Variants in PCED1B observed in about 807,000 individuals in gnomAD.
PCED1B encodes PC-esterase domain-containing protein 1B.
For missense variants in PCED1B, 573 were observed against 573.9 expected, an observed-to-expected ratio of 1.00 and a Z score of 0.02; for synonymous variants, 251 against 246.1, an observed-to-expected ratio of 1.02 and a Z score of -0.19.
At chr12:47,129,310 G>A (rs1940021066) in intron 2 of PCED1B, among the ~76,000 whole-genome samples, 1 of 151,894 alleles carries the variant, frequency 6.6e-6, no homozygotes, top group African/African-American at 2.4e-5. Flanking sequence ...CTGTCTCCAT[G>A]AAAAATATAA....
At chr12:47,166,058 C>T (rs1941535766) in intron 2 of PCED1B, among the ~76,000 whole-genome samples, 1 of 152,134 alleles carries the variant, frequency 6.6e-6, no homozygotes, top group Non-Finnish European at 1.5e-5. Context: ...CAAGCCCTGA[C>T]CCGGGGTCAA....
intron 2 of PCED1B, among the ~76,000 whole-genome samples, chr12:47,165,441 G>A (rs373411047): frequency 3.3e-5 from 5 of 152,330 alleles, no homozygotes; most frequent in South Asian, 4.1e-4. Context: ...AAGAGTGAAT[G>A]TGCATGGGGA....
Position 47,236,560 on chromosome 12 carries a change from C to G in PCED1B, c.*198C>G, listed in dbSNP as rs1386860378. The G allele has an allele frequency of 1.8e-6, 1 of 562,702 alleles. No individual in the cohort carries two copies. The highest frequency in any genetic ancestry group is 3.6e-5 in the Admixed American group (1 of 27,626). 34.9% of individuals were successfully genotyped at this position (562,702 alleles called of 1,614,324 possible). A position where few individuals can be genotyped will look rare whatever the true frequency, so the allele number is the denominator to read the frequency against. ...TCATTCTTCTTGGCTGCAGCCTCTT[C>G]CCCACTTCCTGGGAGTGACCCAGCG... is the stretch of plus-strand genomic sequence containing the variant. On this transcript the variant is annotated 3_prime_UTR_variant, in exon 4 of 4. Coordinates refer to ENST00000546455, the MANE Select transcript of PCED1B (RefSeq NM_138371.3).
chr12:47,193,675 G>A (rs1181493340), intron 2 of PCED1B, among the ~76,000 whole-genome samples: 1 of 152,196 alleles, frequency 6.6e-6, no homozygotes, highest in Non-Finnish European at 1.5e-5. Flanking sequence ...TCTCTAGTAA[G>A]TTAGAATTAT....
chr12:47,132,987 T>G (rs921636773), intron 2 of PCED1B, among the ~76,000 whole-genome samples: 1 of 152,214 alleles, frequency 6.6e-6, no homozygotes, highest in Admixed American at 6.5e-5. Flanking sequence ...CTATTCTACT[T>G]TAATATGCTT....
At chr12:47,099,475 C>T (rs1251152715) in intron 1 of PCED1B, among the ~76,000 whole-genome samples, 6 of 152,192 alleles carry the variant, frequency 3.9e-5, no homozygotes, top group African/African-American at 1.2e-4. Context: ...TCACTGCTCT[C>T]ACACTAGCAG....
At chr12:47,234,957 G>A in intron 3 of PCED1B, 50 bp from the exon 4 acceptor site, 2 of 1,047,012 alleles carry the variant, frequency 1.9e-6, no homozygotes, top group Non-Finnish European at 2.7e-6. Flanking sequence ...TGCACTGGGC[G>A]CTCCGCCCAG....
chr12:47,215,247 TC>T (rs1341526408), intron 2 of PCED1B, among the ~76,000 whole-genome samples: 1 of 148,408 alleles, frequency 6.7e-6, no homozygotes, highest in Non-Finnish European at 1.5e-5. Context: ...GAAGACCATC[TC>T]CCCCACCCTT....
intron 3 of PCED1B, among the ~76,000 whole-genome samples, chr12:47,217,456 G>GAAAGAAAT: frequency 2.5e-5 from 1 of 40,468 alleles, no homozygotes; most frequent in Non-Finnish European, 4.2e-5. Context: ...AAGAAAGAAA[G>GAAAGAAAT]AAAAAGAAAG....
intron 3 of PCED1B, among the ~76,000 whole-genome samples, chr12:47,216,942 G>C (rs192271015): frequency 1.7e-4 from 26 of 152,270 alleles, no homozygotes; most frequent in Admixed American, 7.8e-4. Context: ...TTGTGAACTG[G>C]AGAAGGGACG....
intron 2 of PCED1B, among the ~76,000 whole-genome samples, chr12:47,171,975 TTCTG>T (rs1941757993): frequency 6.6e-6 from 1 of 152,156 alleles, no homozygotes; most frequent in Non-Finnish European, 1.5e-5. Flanking sequence ...TAGTTGATCT[TTCTG>T]TCTCTGTATT....
At position 47,236,309 on chromosome 12, in the gene PCED1B, C is replaced by T; in HGVS notation, c.1246C>T (p.Pro416Ser). ...CCCCTATACGCCCTGGGGACAGCGG[C>T]CTCGACCTTCAAAGAGAAGGGCCCC... ...RGPYTPWGQR[P>S]RPSKRRAPAN... Residue 416 changes from proline to serine, a missense_variant, in exon 4 of 4, where the codon CCT becomes TCT. Transcript: ENST00000546455. The T allele has an allele frequency of 1.2e-6, 2 of 1,613,090 alleles. No individual in the cohort carries two copies. Among genetic ancestry groups the T allele is most frequent in the Non-Finnish European group, 1.7e-6 (2 of 1,179,552 alleles).
chr12:47,216,103 T>C (rs1209554580), intron 2 of PCED1B, 119 bp from the exon 3 acceptor site: 2 of 152,114 alleles, frequency 1.3e-5, no homozygotes, highest in African/African-American at 4.8e-5. Context: ...CTGTAACACC[T>C]TGCACAGAAA....
chr12:47,183,751 C>T (rs1361198025), intron 2 of PCED1B, among the ~76,000 whole-genome samples: 1 of 152,166 alleles, frequency 6.6e-6, no homozygotes, highest in Non-Finnish European at 1.5e-5. Flanking sequence ...GAATTGTGTG[C>T]CACGTGAGGA....
intron 3 of PCED1B, among the ~76,000 whole-genome samples, chr12:47,221,676 G>A (rs1331460227): frequency 6.6e-6 from 1 of 152,226 alleles, no homozygotes; most frequent in Non-Finnish European, 1.5e-5. Context: ...ATTGCCTGGT[G>A]AGAATGTGCT....
intron 1 of PCED1B, among the ~76,000 whole-genome samples, chr12:47,082,430 T>C (rs900190748): frequency 5.3e-5 from 8 of 152,252 alleles, no homozygotes; most frequent in Admixed American, 3.3e-4. Context: ...GTAAATGTTA[T>C]TTGAGTCCTG....
intron 2 of PCED1B, among the ~76,000 whole-genome samples, chr12:47,193,000 A>T (rs912634492): frequency 1.3e-5 from 2 of 152,158 alleles, no homozygotes; most frequent in African/African-American, 2.4e-5. Flanking sequence ...AGAGTACATT[A>T]TTCTGGGCTT....
chr12:47,232,302 T>C (rs1943832165), intron 3 of PCED1B, among the ~76,000 whole-genome samples: 1 of 152,194 alleles, frequency 6.6e-6, no homozygotes, highest in Non-Finnish European at 1.5e-5. Context: ...AAACTTTTAT[T>C]CTGATAGCAA....
chr12:47,235,220 G>T lies in PCED1B; in HGVS notation c.157G>T (p.Glu53Ter). Reference sequence around the variant, plus strand: ...TCCCGGGCAGCTTAGAGCAAGGGGGGAGCTGAACTTCGAACAAGATGAGCT... The same window carrying T: ...TCCCGGGCAGCTTAGAGCAAGGGGGTAGCTGAACTTCGAACAAGATGAGCT... ...LTPGQLRARG[E>*]LNFEQDELVD... is the part of the protein sequence containing the mutation. Residue 53 changes from glutamate (E) to a stop codon, truncating the protein, a stop_gained, in exon 4 of 4, where the codon GAG (glutamate) becomes TAG (stop). Transcript: ENST00000546455. LOFTEE classifies it low-confidence loss of function (END_TRUNC). 6.2e-7 allele frequency: 1 copy of T among 1,609,878 alleles called. No individual in the cohort carries two copies.
Sources: allele counts gnomAD v4.1 joint callset (sites outside exome capture counted in the v4.1 genomes callset), GRCh38; gene constraint gnomAD v4.1.1; transcripts MANE v1.5; gene names NCBI Gene and HGNC (gene_info 2026-07-23, HGNC 2026-07-21).